The following MEMO1 variants were observed in gnomAD, a reference collection of about 807,000 sequenced individuals.
The protein encoded by MEMO1 is mediator of cell motility 1, also known as protein MEMO1.
In MEMO1, 6 loss-of-function variants were observed where a neutral mutation model predicts 45.2. The observed-to-expected ratio is 0.13, with a 90% CI of 0.07 to 0.26. The LOEUF (loss-of-function observed/expected upper bound fraction) is 0.26, where lower values mean the gene tolerates loss of function less well. MEMO1 is among the 10% of genes least tolerant of loss of function. The pLI, the probability that MEMO1 is intolerant of heterozygous loss-of-function variation, is 1.00. For synonymous variants in MEMO1, 78 were observed against 124.3 expected (o/e 0.63, Z 2.48); for missense variants, 184 against 370.5 (o/e 0.50, Z 4.13).
intron 2 of MEMO1, among the ~76,000 whole-genome samples, chr2:31,961,629 C>A (rs1668020975): frequency 6.7e-6 from 1 of 150,316 alleles, no homozygotes; most frequent in African/African-American, 2.5e-5. Flanking sequence ...AAAAAAAAAA[C>A]TAGCTAGGCA....
chr2:31,886,139 T>A (rs1676157322), intron 7 of MEMO1, among the ~76,000 whole-genome samples: 1 of 152,216 alleles, frequency 6.6e-6, no homozygotes, highest in South Asian at 2.1e-4. Context: ...AGTAGCCACC[T>A]CATATTTAGT....
intron 3 of MEMO1, among the ~76,000 whole-genome samples, chr2:31,941,457 T>A (rs886949933): frequency 2.0e-5 from 3 of 152,178 alleles, no homozygotes; most frequent in African/African-American, 7.2e-5. Context: ...ATTTTTCTTC[T>A]TAGCACCCAT....
rs1572764441 is a variant in MEMO1, at chr2:31,945,108, T to C, written c.62-1725A>G. 2.0e-5 allele frequency among the ~76,000 whole-genome samples: 3 copies of C among 152,346 alleles called. No individual in the cohort carries two copies. In the East Asian group the frequency reaches 5.8e-4, roughly 29 times the overall value. ...AAACAATAAGTGGTATTGTTCTGCA[T>C]GTTTTCAAATGTTGTATCAATATAC... On this transcript the variant is annotated intron_variant, in intron 2 of 9. Transcript: ENST00000404530.
At chr2:31,969,603 GT>G (rs1291049534) in intron 2 of MEMO1, among the ~76,000 whole-genome samples, 2 of 149,300 alleles carry the variant, frequency 1.3e-5, no homozygotes, top group Non-Finnish European at 1.5e-5. Flanking sequence ...GTGTGTGTGT[GT>G]GTGTGTGTGT....
chr2:31,911,881 T>A (rs1193478550), intron 6 of MEMO1, among the ~76,000 whole-genome samples: 1 of 152,004 alleles, frequency 6.6e-6, no homozygotes, highest in Non-Finnish European at 1.5e-5. Flanking sequence ...GTTCAAGAAA[T>A]CCTCCTGCCT....
chr2:31,943,258 C>T (rs1391236620), intron 3 of MEMO1, 44 bp downstream of exon 3: 2 of 1,436,200 alleles, frequency 1.4e-6, no homozygotes, highest in South Asian at 1.1e-5. Context: ...CAGGGAGACT[C>T]CTTCTCAAAA....
intron 2 of MEMO1, chr2:31,963,058 A>C (rs1414467077): frequency 3.7e-6 from 5 of 1,344,390 alleles, no homozygotes; most frequent in African/African-American, 1.5e-5. Context: ...CTTCACCTTC[A>C]AACTGAAATA....
chr2:31,914,225 C>T (rs568988653), intron 6 of MEMO1, among the ~76,000 whole-genome samples: 1 of 152,160 alleles, frequency 6.6e-6, no homozygotes, highest in African/African-American at 2.4e-5. Context: ...ATTATCTCCA[C>T]TGACCCTACC....
At chr2:31,921,175 T>C (rs543274804) in intron 4 of MEMO1, among the ~76,000 whole-genome samples, 3 of 152,228 alleles carry the variant, frequency 2.0e-5, no homozygotes, top group Non-Finnish European at 2.9e-5. Context: ...CCTCATCCAA[T>C]GAGTCTGGTG....
chr2:31,869,725 G>C, intron 9 of MEMO1, 123 bp downstream of exon 9: 1 of 988,736 alleles, frequency 1.0e-6, no homozygotes, highest in Non-Finnish European at 1.4e-6. Context: ...TTATATTAAA[G>C]ATACTAAAAA....
intron 6 of MEMO1, among the ~76,000 whole-genome samples, chr2:31,906,097 C>G (rs371977716): frequency 6.6e-6 from 1 of 151,462 alleles, no homozygotes; most frequent in East Asian, 1.9e-4. Context: ...CTCAGCCTCC[C>G]GAGTAGCTGG....
At chr2:31,976,300 A>G (rs1669997057) in intron 2 of MEMO1, among the ~76,000 whole-genome samples, 1 of 152,164 alleles carries the variant, frequency 6.6e-6, no homozygotes, top group Non-Finnish European at 1.5e-5. Flanking sequence ...ATTTTCAGCC[A>G]GGCATGGTGG....
chr2:31,948,997 G>A (rs994268414), intron 2 of MEMO1, among the ~76,000 whole-genome samples: 3 of 152,042 alleles, frequency 2.0e-5, no homozygotes, highest in Non-Finnish European at 4.4e-5. Context: ...TGGCAAACAG[G>A]CATATGAAAA....
chr2:31,933,357 A>T (rs1190344895), intron 3 of MEMO1, among the ~76,000 whole-genome samples: 577 of 31,478 alleles, frequency 0.018, 3 homozygotes, highest in Non-Finnish European at 0.027. Context: ...AAATTTATAT[A>T]TATATATATA....
chr2:31,966,804 A>G (rs1668678700), intron 2 of MEMO1, among the ~76,000 whole-genome samples: 1 of 152,054 alleles, frequency 6.6e-6, no homozygotes, highest in South Asian at 2.1e-4. Flanking sequence ...ATTTATGTTG[A>G]AAACAACCTG....
intron 6 of MEMO1, among the ~76,000 whole-genome samples, chr2:31,915,396 C>G (rs1464615207): frequency 2.0e-5 from 3 of 152,122 alleles, no homozygotes; most frequent in Admixed American, 1.3e-4. Context: ...CTCCTCCCAT[C>G]AAGAGGAGCA....
Position 32,002,060 on chromosome 2 carries a change from C to A in MEMO1, c.61+8127G>T, listed in dbSNP as rs182252411. ...ACTTGGGAGGCTGAGGCAGGGGAAT[C>A]GCTTGAACCAGGAGGCAGAGCTTGC... On this transcript the variant is annotated intron_variant, in intron 2 of 9. Transcript: ENST00000404530. Among the ~76,000 whole-genome samples the A allele has an allele frequency of 7.2e-3, 1,053 of 147,130 alleles. 16 individuals are homozygous for A. Among genetic ancestry groups the A allele is most frequent in the African/African-American group, 0.025 (986 of 39,910 alleles).
chr2:32,002,144 CAAAAAAAA>C (rs1156408005), intron 2 of MEMO1, among the ~76,000 whole-genome samples: 6 of 55,694 alleles, frequency 1.1e-4, no homozygotes, highest in African/African-American at 3.4e-4. Context: ...GACTCTGTCT[CAAAAAAAA>C]AAAAAAAAAA....
At chr2:31,977,514 AATTT>A (rs1339714015) in intron 2 of MEMO1, among the ~76,000 whole-genome samples, 4 of 151,720 alleles carry the variant, frequency 2.6e-5, no homozygotes, top group East Asian at 3.9e-4. Context: ...TTACTTATTT[AATTT>A]ATTTATTTAT....
Sources: allele counts gnomAD v4.1 joint callset (sites outside exome capture counted in the v4.1 genomes callset), GRCh38; gene constraint gnomAD v4.1.1; transcripts MANE v1.5; gene names NCBI Gene and HGNC (gene_info 2026-07-23, HGNC 2026-07-21).